The following SH3PXD2B variants were observed in gnomAD, a reference collection of about 807,000 sequenced individuals.
SH3PXD2B encodes SH3 and PX domain-containing protein 2B.
A neutral mutation model predicts 73.1 loss-of-function variants in SH3PXD2B; 37 were observed. The ratio of observed to expected loss-of-function variants is 0.51; its 90% CI spans 0.39 to 0.67. The LOEUF (loss-of-function observed/expected upper bound fraction) is 0.67. Among genes scored for constraint, SH3PXD2B ranks in the 30% least tolerant of loss-of-function variants. The pLI is 0.00. For missense variants in SH3PXD2B, 1,053 were observed against 1,197.8 expected, an observed-to-expected ratio of 0.88 and a Z score of 1.78; for synonymous variants, 457 against 480.5, an observed-to-expected ratio of 0.95 and a Z score of 0.64.
At chr5:172,376,507 C>T (rs1034771470) in intron 5 of SH3PXD2B, among the ~76,000 whole-genome samples, 1 of 152,136 alleles carries the variant, frequency 6.6e-6, no homozygotes, top group African/African-American at 2.4e-5. Context: ...GGGTTTTTAA[C>T]CACCATGTAA....
At chr5:172,451,342 T>G (rs1759792527) in intron 1 of SH3PXD2B, among the ~76,000 whole-genome samples, 1 of 152,060 alleles carries the variant, frequency 6.6e-6, no homozygotes, top group South Asian at 2.1e-4. Context: ...GACTTTATAG[T>G]CTATGGCGCA....
intron 5 of SH3PXD2B, among the ~76,000 whole-genome samples, chr5:172,377,952 G>C (rs1757852547): frequency 3.3e-5 from 5 of 150,910 alleles, no homozygotes; most frequent in Admixed American, 3.3e-4. Context: ...AACAATGCCA[G>C]TGCCCTTGGC....
Position 172,446,678 on chromosome 5 carries a change from C to T in SH3PXD2B, c.75+7600G>A, listed in dbSNP as rs184800241. Among the ~76,000 whole-genome samples the T allele has an allele frequency of 1.1e-4, 16 of 152,316 alleles. No homozygotes were observed. The South Asian group carries it at 2.5e-3, about 24-fold the overall frequency. ...GTGGGAGGCAAGAGGATGCATGAAA[C>T]GCCCAGGGAAGTGGGCTGTAGGGCA... is the stretch of plus-strand genomic sequence containing the variant. On this transcript the variant is annotated intron_variant, in intron 1 of 12. Transcript: ENST00000311601.
At chr5:172,377,050 C>T (rs890697565) in intron 5 of SH3PXD2B, among the ~76,000 whole-genome samples, 7 of 152,312 alleles carry the variant, frequency 4.6e-5, no homozygotes, top group South Asian at 4.1e-4. Context: ...CGACCTGAGC[C>T]GTGGTCTGGG....
intron 12 of SH3PXD2B, among the ~76,000 whole-genome samples, chr5:172,342,178 G>A (rs1407768957): frequency 6.6e-6 from 1 of 152,150 alleles, no homozygotes; most frequent in Non-Finnish European, 1.5e-5. Context: ...TTCCCAAACT[G>A]TGAGACAATA....
chr5:172,387,721 A>C (rs1758089667), intron 4 of SH3PXD2B, among the ~76,000 whole-genome samples: 1 of 152,218 alleles, frequency 6.6e-6, no homozygotes, highest in Non-Finnish European at 1.5e-5. Flanking sequence ...TTGATAATAA[A>C]TACTTGTATG....
At chr5:172,360,968 A>T (rs1332410424) in intron 7 of SH3PXD2B, among the ~76,000 whole-genome samples, 1 of 152,236 alleles carries the variant, frequency 6.6e-6, no homozygotes, top group Non-Finnish European at 1.5e-5. Context: ...ATATATGAAC[A>T]TGGCTCACTC....
At chr5:172,453,278 G>C (rs1219420775) in intron 1 of SH3PXD2B, among the ~76,000 whole-genome samples, 1 of 151,958 alleles carries the variant, frequency 6.6e-6, no homozygotes, top group Non-Finnish European at 1.5e-5. Context: ...CTGCAGCCAG[G>C]CTCCGCCACT....
At chr5:172,368,399 C>A (rs1455779559) in intron 6 of SH3PXD2B, among the ~76,000 whole-genome samples, 9 of 139,450 alleles carry the variant, frequency 6.5e-5, no homozygotes, top group African/African-American at 2.4e-4. Flanking sequence ...ATTCATACTG[C>A]CTAACGGCTC....
chr5:172,352,890 A>G (rs998498472), intron 9 of SH3PXD2B, among the ~76,000 whole-genome samples: 4 of 152,012 alleles, frequency 2.6e-5, no homozygotes, highest in African/African-American at 9.7e-5. Flanking sequence ...ATAGACTAAT[A>G]CACTATTACT....
intron 5 of SH3PXD2B, among the ~76,000 whole-genome samples, chr5:172,374,978 C>T (rs1025392157): frequency 2.6e-5 from 4 of 152,182 alleles, no homozygotes; most frequent in African/African-American, 9.7e-5. Flanking sequence ...TGCTCAAGGT[C>T]ACACAGCTAG....
intron 1 of SH3PXD2B, among the ~76,000 whole-genome samples, chr5:172,432,069 A>G (rs1278319539): frequency 6.6e-6 from 1 of 152,178 alleles, no homozygotes; most frequent in East Asian, 1.9e-4. Context: ...GCTACTGGAG[A>G]GGCTGAGGCA....
intron 8 of SH3PXD2B, among the ~76,000 whole-genome samples, chr5:172,355,746 G>A (rs749304481): frequency 5.3e-5 from 8 of 151,870 alleles, no homozygotes; most frequent in East Asian, 1.9e-4. Context: ...GGGTTTCACC[G>A]TGTTAGCCGG....
chr5:172,378,326 G>A (rs1242675825), intron 5 of SH3PXD2B, among the ~76,000 whole-genome samples: 7 of 152,314 alleles, frequency 4.6e-5, no homozygotes, highest in Admixed American at 2.0e-4. Flanking sequence ...GGGAAGGGCC[G>A]CCAGCGCGGG....
chr5:172,371,919 G>C (rs1054612365), intron 6 of SH3PXD2B, among the ~76,000 whole-genome samples: 15 of 152,156 alleles, frequency 9.9e-5, no homozygotes, highest in Non-Finnish European at 1.9e-4. Flanking sequence ...CGGGGCTCGG[G>C]AACTATTTGC....
intron 12 of SH3PXD2B, among the ~76,000 whole-genome samples, chr5:172,342,964 C>T (rs1756892665): frequency 6.6e-6 from 1 of 152,200 alleles, no homozygotes; most frequent in African/African-American, 2.4e-5. Flanking sequence ...CCTGAGTGGC[C>T]TGGGGCAAGC....
In SH3PXD2B at chr5:172,419,632, G is replaced by C. The variant is rs1317217702; in HGVS notation, c.156+2784C>G. 2.0e-5 allele frequency among the ~76,000 whole-genome samples: 3 copies of C among 152,300 alleles called. No individual in the cohort carries two copies. In the East Asian group the frequency reaches 5.8e-4, roughly 29 times the overall value. ...GGCTACAAGGACAGATGGCCCGGGA[G>C]CTGCCAGCTGGTTCCTGGCCCCTGC... On this transcript the variant is annotated intron_variant, in intron 2 of 12. Transcript: ENST00000311601.
At chr5:172,341,144 T>C (rs1468361577) in intron 12 of SH3PXD2B, among the ~76,000 whole-genome samples, 3 of 152,200 alleles carry the variant, frequency 2.0e-5, no homozygotes, top group Non-Finnish European at 4.4e-5. Flanking sequence ...GTGCTCGCTA[T>C]TATGGGCTGA....
rs762497731 is a variant in SH3PXD2B at position 172,454,389 on chromosome 5, G to A, written c.-37C>T. The stretch of plus-strand genomic sequence containing the variant: ...CGCCCGCAGCGGGCCGAGCGCGGGT[G>A]CGGGTGGCGCGGGGTGCAGGGAGCG... On this transcript the variant is annotated 5_prime_UTR_variant, in exon 1 of 13. Coordinates refer to ENST00000311601, the MANE Select transcript of SH3PXD2B (RefSeq NM_001017995.3). The A allele has an allele frequency of 7.5e-7, 1 of 1,331,292 alleles. No individual in the cohort carries two copies. The highest frequency in any genetic ancestry group is 9.6e-7 in the Non-Finnish European group (1 of 1,038,520). 82.5% of individuals were successfully genotyped at this position (1,331,292 alleles called of 1,614,324 possible). A position where few individuals can be genotyped will look rare whatever the true frequency, so the allele number is the denominator to read the frequency against.
Sources: allele counts gnomAD v4.1 joint callset (sites outside exome capture counted in the v4.1 genomes callset), GRCh38; gene constraint gnomAD v4.1.1; transcripts MANE v1.5; gene names NCBI Gene and HGNC (gene_info 2026-07-23, HGNC 2026-07-21).